Variants in KCNC2 observed in about 807,000 individuals in gnomAD.
KCNC2 encodes voltage-gated potassium channel KCNC2.
KCNC2 carries 21 observed loss-of-function variants against 44.5 expected under a neutral mutation model. That is an observed-to-expected ratio of 0.47 (90% CI 0.33 to 0.68). KCNC2 has a LOEUF of 0.68. Ranked by LOEUF, KCNC2 falls within the 30% of genes least tolerant of loss-of-function variation. The pLI is 0.01. For missense variants in KCNC2, 589 were observed against 826.2 expected (o/e 0.71, Z 3.52); for synonymous variants, 391 against 339.1 (o/e 1.15, Z -1.68).
intron 2 of KCNC2, among the ~76,000 whole-genome samples, chr12:75,137,062 T>C (rs1889284481): frequency 6.6e-6 from 1 of 152,140 alleles, no homozygotes. Context: ...CTTTTGAAAA[T>C]ACCTTTGCCA....
At chr12:75,199,047 G>T (rs774765942) in intron 2 of KCNC2, among the ~76,000 whole-genome samples, 3 of 151,546 alleles carry the variant, frequency 2.0e-5, no homozygotes, top group African/African-American at 7.3e-5. Flanking sequence ...ATAAAATATT[G>T]GTGTAAAATA....
At position 75,093,965 on chromosome 12, in the gene KCNC2, C is replaced by A. The variant is rs376162520; in HGVS notation, c.688-42648G>T. On this transcript the variant is annotated intron_variant, in intron 2 of 4. Coordinates refer to ENST00000549446, the MANE Select transcript of KCNC2 (RefSeq NM_139137.4). ...AAAACAGCAATTACTTTTGCACCAA[C>A]CTAATAATAATGCATAGGCTCGGAA... is the stretch of plus-strand genomic sequence containing the variant. 1.3e-4 allele frequency among the ~76,000 whole-genome samples: 20 copies of A among 151,722 alleles called. No homozygotes were observed. In the East Asian group the frequency reaches 3.1e-3, roughly 24 times the overall value.
intron 2 of KCNC2, among the ~76,000 whole-genome samples, chr12:75,067,908 C>T (rs902728767): frequency 6.6e-6 from 1 of 151,780 alleles, no homozygotes; most frequent in Non-Finnish European, 1.5e-5. Flanking sequence ...TTATGTTCTC[C>T]GTCTTGTGCA....
chr12:75,161,704 C>G (rs1891137141), intron 2 of KCNC2, among the ~76,000 whole-genome samples: 1 of 151,712 alleles, frequency 6.6e-6, no homozygotes, highest in African/African-American at 2.4e-5. Context: ...TCTGCATACA[C>G]TGGAATGTGA....
Position 75,186,498 on chromosome 12 carries a change from A to G in KCNC2, c.687+20799T>C, listed in dbSNP as rs571358632. On this transcript the variant is annotated intron_variant, in intron 2 of 4. Coordinates refer to ENST00000549446, the MANE Select transcript of KCNC2 (RefSeq NM_139137.4). Reference sequence around the variant, plus strand: ...TGTGGATTGTTATAGTTTACGTACAACCCATCTCCTTCTGTTGTAAAAAAA... The same window carrying G: ...TGTGGATTGTTATAGTTTACGTACAGCCCATCTCCTTCTGTTGTAAAAAAA... Among the ~76,000 whole-genome samples, 4 of 151,534 alleles carry G rather than the reference A, an allele frequency of 2.6e-5. No homozygotes were observed. The East Asian group carries it at 7.7e-4, about 29-fold the overall frequency.
intron 2 of KCNC2, among the ~76,000 whole-genome samples, chr12:75,065,349 G>A (rs559779931): frequency 6.6e-6 from 1 of 151,944 alleles, no homozygotes; most frequent in Non-Finnish European, 1.5e-5. Context: ...GTATTGGTAT[G>A]CCTCAAATAA....
At chr12:75,157,674 T>C (rs1183534551) in intron 2 of KCNC2, among the ~76,000 whole-genome samples, 1 of 151,802 alleles carries the variant, frequency 6.6e-6, no homozygotes, top group Non-Finnish European at 1.5e-5. Flanking sequence ...CCCCATGTGA[T>C]GGAAAAAGCT....
chr12:75,067,931 C>T (rs1038086130), intron 2 of KCNC2, among the ~76,000 whole-genome samples: 4 of 151,990 alleles, frequency 2.6e-5, no homozygotes, highest in African/African-American at 9.7e-5. Flanking sequence ...TAGAAGTCCC[C>T]TTATAAAACT....
intron 2 of KCNC2, among the ~76,000 whole-genome samples, chr12:75,086,947 T>C (rs184892787): frequency 6.6e-6 from 1 of 152,084 alleles, no homozygotes; most frequent in East Asian, 1.9e-4. Context: ...CTTCATTTTA[T>C]TCATGTAGTT....
At chr12:75,161,600 A>G (rs976181389) in intron 2 of KCNC2, among the ~76,000 whole-genome samples, 1 of 151,770 alleles carries the variant, frequency 6.6e-6, no homozygotes, top group African/African-American at 2.4e-5. Context: ...TTTTAAGAAA[A>G]GAATTACTCT....
intron 2 of KCNC2, among the ~76,000 whole-genome samples, chr12:75,186,477 G>A (rs1030498641): frequency 6.6e-6 from 1 of 151,970 alleles, no homozygotes; most frequent in Non-Finnish European, 1.5e-5. Context: ...CTATCATGTG[G>A]ATTGTTATAG....
chr12:75,071,766 G>T (rs1024808350), intron 2 of KCNC2, among the ~76,000 whole-genome samples: 1 of 151,368 alleles, frequency 6.6e-6, no homozygotes, highest in Non-Finnish European at 1.5e-5. Context: ...CCTGACCAAC[G>T]TCTCTAGTAA....
chr12:75,145,410 A>G (rs1409857239), intron 2 of KCNC2, among the ~76,000 whole-genome samples: 4 of 152,166 alleles, frequency 2.6e-5, no homozygotes, highest in African/African-American at 9.7e-5. Flanking sequence ...CTGTTTATTT[A>G]CATGCTGGGT....
chr12:75,170,283 T>G (rs1695794319), intron 2 of KCNC2, among the ~76,000 whole-genome samples: 1 of 151,722 alleles, frequency 6.6e-6, no homozygotes, highest in African/African-American at 2.4e-5. Flanking sequence ...GTAAGTGATT[T>G]GCTCAGGGCC....
At chr12:75,094,223 A>G (rs1592855594) in intron 2 of KCNC2, among the ~76,000 whole-genome samples, 1 of 151,702 alleles carries the variant, frequency 6.6e-6, no homozygotes, top group Non-Finnish European at 1.5e-5. Flanking sequence ...TTAAACATAT[A>G]CAAATGATAT....
At chr12:75,043,593 T>C in intron 4 of KCNC2, 1 of 1,236,986 alleles carries the variant, frequency 8.1e-7, no homozygotes, top group Non-Finnish European at 1.0e-6. Context: ...TATTTTTAAA[T>C]TTCAGAATGT....
intron 2 of KCNC2, among the ~76,000 whole-genome samples, chr12:75,054,285 C>A (rs370461779): frequency 6.0e-5 from 9 of 149,600 alleles, no homozygotes; most frequent in East Asian, 2.0e-4. Flanking sequence ...AAGCTAAAAA[C>A]GCTTGTCATA....
At chr12:75,123,519 C>A (rs1288833261) in intron 2 of KCNC2, among the ~76,000 whole-genome samples, 1 of 152,156 alleles carries the variant, frequency 6.6e-6, no homozygotes, top group Non-Finnish European at 1.5e-5. Context: ...CCTATGTTAT[C>A]TTCCCTAATT....
chr12:75,106,668 G>A (rs1563695), intron 2 of KCNC2, among the ~76,000 whole-genome samples: 24,476 of 151,888 alleles, frequency 0.16, 3,457 homozygotes, highest in African/African-American at 0.38. Context: ...TAAGATAGAA[G>A]GTAAATAAAA....
Sources: allele counts gnomAD v4.1 joint callset (sites outside exome capture counted in the v4.1 genomes callset), GRCh38; gene constraint gnomAD v4.1.1; transcripts MANE v1.5; gene names NCBI Gene and HGNC (gene_info 2026-07-23, HGNC 2026-07-21).